The following FGD4 variants were observed in gnomAD, a reference collection of about 807,000 sequenced individuals.
The protein encoded by FGD4 is FYVE, RhoGEF and PH domain containing 4.
In FGD4, 42 loss-of-function variants were observed where a neutral mutation model predicts 102.0. The ratio of observed to expected loss-of-function variants is 0.41; its 90% CI spans 0.32 to 0.53. FGD4 has a LOEUF of 0.53. FGD4 is among the 20% of genes least tolerant of loss of function. FGD4 has a pLI of 0.21. For missense variants in FGD4, 902 were observed against 1,078.2 expected (o/e 0.84, Z 2.29); for synonymous variants, 380 against 375.7 (o/e 1.01, Z -0.13).
chr12:32,458,886 T>C (rs1176334378), intron 1 of FGD4, among the ~76,000 whole-genome samples: 1 of 152,222 alleles, frequency 6.6e-6, no homozygotes, highest in African/African-American at 2.4e-5. Flanking sequence ...AATCCTCATT[T>C]TTACCAAAGA....
rs754670039 is a variant in FGD4 at position 32,399,567 on chromosome 12, G to A, written c.-227G>A. ...AGTGAGTGCGGGAGCTGCAGATACCGAGACGCTGCGACTGCCGCAGGAGTC... is the reference window on the plus strand; with the variant it reads ...AGTGAGTGCGGGAGCTGCAGATACCAAGACGCTGCGACTGCCGCAGGAGTC... On this transcript the variant is annotated 5_prime_UTR_variant, in exon 1 of 17. Coordinates refer to ENST00000534526, the MANE Select transcript of FGD4 (RefSeq NM_001370298.3). 6 of 1,114,438 alleles carry A rather than the reference G, an allele frequency of 5.4e-6. No homozygotes were observed. The highest frequency in any genetic ancestry group is 7.3e-6 in the Non-Finnish European group (6 of 823,432). The allele number at this position is 1,114,438 out of a possible 1,614,324, so 69.0% of individuals were successfully genotyped here.
intron 7 of FGD4, among the ~76,000 whole-genome samples, chr12:32,606,100 C>T (rs1473468341): frequency 6.6e-6 from 1 of 152,164 alleles, no homozygotes; most frequent in Admixed American, 6.5e-5. Context: ...ACAGTTTCTT[C>T]ATGTAAAATA....
chr12:32,516,460 G>A (rs918607609), intron 1 of FGD4, among the ~76,000 whole-genome samples: 2 of 152,126 alleles, frequency 1.3e-5, no homozygotes, highest in African/African-American at 2.4e-5. Flanking sequence ...CCCTTTTTAA[G>A]TTGTGGTTAG....
intron 1 of FGD4, among the ~76,000 whole-genome samples, chr12:32,542,557 T>C (rs1041228047): frequency 6.6e-6 from 1 of 152,202 alleles, no homozygotes. Flanking sequence ...TTGTTGTGAA[T>C]AAATGGAAAA....
chr12:32,595,158 C>T (rs560379828), intron 4 of FGD4, among the ~76,000 whole-genome samples: 4 of 151,784 alleles, frequency 2.6e-5, no homozygotes, highest in South Asian at 4.2e-4. Flanking sequence ...TGATAGGTGT[C>T]TTATGTAATT....
rs1323239834 is a variant in FGD4 at position 32,645,198 on chromosome 12, A to C, written c.*4665A>C. On this transcript the variant is annotated 3_prime_UTR_variant, in exon 17 of 17. Coordinates refer to ENST00000534526, the MANE Select transcript of FGD4 (RefSeq NM_001370298.3). ...CTGTGGGGACCATTATAAGAGAATC[A>C]CATTATATATTACACAGTATATGGA... The C allele has an allele frequency of 6.6e-6, 1 of 152,220 alleles. No individual in the cohort carries two copies. Among genetic ancestry groups the C allele is most frequent in the Non-Finnish European group, 1.5e-5 (1 of 68,046 alleles). 9.4% of individuals were successfully genotyped at this position (152,220 alleles called of 1,614,324 possible).
chr12:32,580,023 G>A (rs969696088), intron 3 of FGD4, among the ~76,000 whole-genome samples: 21 of 152,134 alleles, frequency 1.4e-4, no homozygotes, highest in African/African-American at 4.6e-4. Context: ...CCTTTATCCC[G>A]TTACCTGCAC....
chr12:32,555,602 C>T (rs1369821682), intron 1 of FGD4, among the ~76,000 whole-genome samples: 4 of 139,196 alleles, frequency 2.9e-5, no homozygotes, highest in African/African-American at 5.5e-5. Flanking sequence ...GATGGAGTCT[C>T]GCTCTGTCAC....
chr12:32,629,825 T>G (rs894597213), intron 14 of FGD4, among the ~76,000 whole-genome samples: 3 of 152,258 alleles, frequency 2.0e-5, no homozygotes, highest in African/African-American at 7.2e-5. Flanking sequence ...ACATTTCTTA[T>G]GTAATTTTCA....
Position 32,589,101 on chromosome 12 carries a change from C to G in FGD4, c.1011+6634C>G, listed in dbSNP as rs146794858. Among the ~76,000 whole-genome samples, 398 of 152,226 alleles carry G rather than the reference C, an allele frequency of 2.6e-3. 1 individual carries two copies. Among genetic ancestry groups the G allele is most frequent in the African/African-American group, 8.8e-3 (366 of 41,528 alleles). On this transcript the variant is annotated intron_variant, in intron 4 of 16. Transcript: ENST00000534526. ...TGTAAAATGGAGATAACATATCTAC[C>G]TTGTAACATTATGAGGTATAGATCA...
chr12:32,502,404 G>GA (rs1938295578), intron 1 of FGD4: 2 of 936,098 alleles, frequency 2.1e-6, no homozygotes, highest in East Asian at 2.3e-4. Context: ...ATCTCCATGT[G>GA]GTCCAAGGAA....
chr12:32,493,593 G>A (rs1470838876), intron 1 of FGD4, among the ~76,000 whole-genome samples: 2 of 152,196 alleles, frequency 1.3e-5, no homozygotes, highest in Non-Finnish European at 1.5e-5. Flanking sequence ...AACCAACAGT[G>A]GTGTAGCCCA....
At chr12:32,599,311 G>A (rs1948161363) in intron 5 of FGD4, among the ~76,000 whole-genome samples, 1 of 148,398 alleles carries the variant, frequency 6.7e-6, no homozygotes, top group African/African-American at 2.5e-5. Flanking sequence ...TGGCTAACAC[G>A]GTGAAACCCC....
chr12:32,600,179 T>G (rs1948278489), intron 5 of FGD4, among the ~76,000 whole-genome samples: 1 of 152,236 alleles, frequency 6.6e-6, no homozygotes, highest in South Asian at 2.1e-4. Context: ...GATATGAAGT[T>G]TGTACCTTTG....
Position 32,644,305 on chromosome 12 carries a change from A to T in FGD4, c.*3772A>T, listed in dbSNP as rs960296372. ...TAGAATCAAACTTCTTGTTATTTGC[A>T]TACTATTATCTACTATAGATTCTCA... On this transcript the variant is annotated 3_prime_UTR_variant, in exon 17 of 17. Coordinates refer to ENST00000534526, the MANE Select transcript of FGD4 (RefSeq NM_001370298.3). The T allele has an allele frequency of 6.6e-6, 1 of 152,126 alleles. No individual in the cohort carries two copies. The highest frequency in any genetic ancestry group is 2.4e-5 in the African/African-American group (1 of 41,456). 9.4% of individuals were successfully genotyped at this position (152,126 alleles called of 1,614,324 possible). A position where few individuals can be genotyped will look rare whatever the true frequency, so the allele number is the denominator to read the frequency against.
At chr12:32,504,956 T>C (rs138902238) in intron 1 of FGD4, among the ~76,000 whole-genome samples, 2 of 152,342 alleles carry the variant, frequency 1.3e-5, no homozygotes, top group East Asian at 3.9e-4. Context: ...TGTGGACACA[T>C]TCATTCTGCC....
In FGD4 at chr12:32,420,115, G is replaced by A. The variant is rs556004107; in HGVS notation, c.166+20156G>A. 4.8e-4 allele frequency among the ~76,000 whole-genome samples: 73 copies of A among 152,298 alleles called. 1 individual carries two copies. Among genetic ancestry groups the A allele is most frequent in the Admixed American group, 7.8e-4 (12 of 15,290 alleles). ...AAAATTTGATGTTCCTCCTGGGGGT[G>A]AGGGGGGTGACAAACAGTGTAGGCT... On this transcript the variant is annotated intron_variant, in intron 1 of 16. Coordinates refer to ENST00000534526, the MANE Select transcript of FGD4 (RefSeq NM_001370298.3).
At position 32,570,545 on chromosome 12, in the gene FGD4, G is replaced by T. The variant is rs545204646; in HGVS notation, c.320-5721G>T. ...CAACCTCCACCTCCCAGGTTCAAGC[G>T]ATTCTCCTGCCTCAGCCTCCCAAGT... On this transcript the variant is annotated intron_variant, in intron 2 of 16. Coordinates refer to ENST00000534526, the MANE Select transcript of FGD4 (RefSeq NM_001370298.3). Among the ~76,000 whole-genome samples, 8 of 151,934 alleles carry T rather than the reference G, an allele frequency of 5.3e-5. No homozygotes were observed. In the East Asian group the frequency reaches 1.4e-3, roughly 26 times the overall value.
intron 1 of FGD4, among the ~76,000 whole-genome samples, chr12:32,451,731 AC>A (rs1942780932): frequency 6.8e-6 from 1 of 147,842 alleles, no homozygotes; most frequent in Non-Finnish European, 1.5e-5. Flanking sequence ...ACATGGCGAA[AC>A]CCCGTCTCTA....
Sources: gnomAD v4.1 joint callset for allele counts (sites outside exome capture counted in the v4.1 genomes callset) on GRCh38, gnomAD v4.1.1 for gene constraint, MANE v1.5 for transcripts, NCBI Gene and HGNC (gene_info 2026-07-23, HGNC 2026-07-21) for gene names.